The following RBFOX1 variants were observed in gnomAD, a reference collection of about 807,000 sequenced individuals.
The protein encoded by RBFOX1 is RNA binding protein fox-1 homolog 1.
A neutral mutation model predicts 57.7 loss-of-function variants in RBFOX1; 8 were observed. That is an observed-to-expected ratio of 0.14 (90% CI 0.08 to 0.25). The LOEUF is 0.25. RBFOX1 is among the 10% of genes least tolerant of loss of function. RBFOX1 has a pLI of 1.00. For synonymous variants in RBFOX1, 326 were observed against 222.4 expected (o/e 1.47, Z -4.15); for missense variants, 611 against 548.5 (o/e 1.11, Z -1.14).
At chr16:6,758,385 T>G (rs952175250) in intron 3 of RBFOX1, among the ~76,000 whole-genome samples, 1 of 152,122 alleles carries the variant, frequency 6.6e-6, no homozygotes, top group Non-Finnish European at 1.5e-5. Flanking sequence ...TTCAAGAGAT[T>G]AACCAGACCA....
intron 3 of RBFOX1, among the ~76,000 whole-genome samples, chr16:5,616,996 G>C (rs569528307): frequency 6.6e-6 from 1 of 151,750 alleles, no homozygotes; most frequent in East Asian, 2.0e-4. Context: ...AAACTGGCCG[G>C]AGGGCAGTTC....
chr16:5,991,082 T>C (rs941480786), intron 4 of RBFOX1, among the ~76,000 whole-genome samples: 3 of 152,250 alleles, frequency 2.0e-5, no homozygotes, highest in Non-Finnish European at 4.4e-5. Context: ...GAGTTTATTT[T>C]GAAAGCATTC....
chr16:6,658,936 G>GTTTTTTTGTTTT lies in RBFOX1; in HGVS notation c.-16+4293_-16+4294insGTTTTTTTTTTT, dbSNP rs775736061. Among the ~76,000 whole-genome samples, 9 of 108,556 alleles carry GTTTTTTTGTTTT rather than the reference G, an allele frequency of 8.3e-5. No homozygotes were observed. The East Asian group carries it at 1.2e-3, about 15-fold the overall frequency. The allele number at this position is 108,556 out of a possible 152,430, so 71.2% of individuals were successfully genotyped here. ...TGTTTTTTTGTTTTTTGGTTTTTTT[G>GTTTTTTTGTTTT]TTTTTTTTGTTTTTTTTTTTCCTCC... On this transcript the variant is annotated intron_variant, in intron 3 of 15. Transcript: ENST00000550418.
intron 1 of RBFOX1, among the ~76,000 whole-genome samples, chr16:6,036,295 G>C (rs113687320): frequency 6.6e-6 from 1 of 152,314 alleles, no homozygotes; most frequent in African/African-American, 2.4e-5. Flanking sequence ...ATGTATAAAG[G>C]CATGGAGGCC....
At chr16:5,901,873 G>A (rs1005232674) in intron 4 of RBFOX1, among the ~76,000 whole-genome samples, 5 of 152,162 alleles carry the variant, frequency 3.3e-5, no homozygotes, top group African/African-American at 9.6e-5. Context: ...CCCTCAATCT[G>A]CCTATGCCCA....
chr16:7,483,880 T>C (rs200701748), intron 4 of RBFOX1, among the ~76,000 whole-genome samples: 3 of 152,346 alleles, frequency 2.0e-5, no homozygotes, highest in South Asian at 2.1e-4. Context: ...ATGGTTTATG[T>C]ACAATCTAAT....
chr16:6,948,209 A>T (rs1253435619), intron 3 of RBFOX1, among the ~76,000 whole-genome samples: 1 of 152,006 alleles, frequency 6.6e-6, no homozygotes, highest in African/African-American at 2.4e-5. Context: ...AGGTGAGAGG[A>T]TGGCTTGAGC....
intron 4 of RBFOX1, among the ~76,000 whole-genome samples, chr16:5,967,233 C>G (rs539870106): frequency 6.6e-6 from 1 of 152,204 alleles, no homozygotes; most frequent in African/African-American, 2.4e-5. Flanking sequence ...GGTCTGAAAG[C>G]TTTTTTGATC....
chr16:5,399,714 TGACA>T (rs2066660119), intron 1 of RBFOX1, among the ~76,000 whole-genome samples: 1 of 151,768 alleles, frequency 6.6e-6, no homozygotes, highest in Non-Finnish European at 1.5e-5. Flanking sequence ...CCAGCCTGGG[TGACA>T]GTGAGACCCT....
chr16:7,396,089 C>T (rs766294938), intron 4 of RBFOX1, among the ~76,000 whole-genome samples: 1 of 152,070 alleles, frequency 6.6e-6, no homozygotes, highest in Non-Finnish European at 1.5e-5. Flanking sequence ...GTGCTCTCAG[C>T]TTGTAAGTGT....
chr16:7,218,645 T>C (rs887854859), intron 4 of RBFOX1, among the ~76,000 whole-genome samples: 7 of 148,950 alleles, frequency 4.7e-5, no homozygotes, highest in African/African-American at 1.2e-4. Flanking sequence ...TGTGTGTGTG[T>C]GTGTGTGTGT....
At chr16:6,393,602 C>G (rs906868059) in intron 2 of RBFOX1, among the ~76,000 whole-genome samples, 6 of 152,150 alleles carry the variant, frequency 3.9e-5, no homozygotes, top group East Asian at 1.9e-4. Context: ...GGGTATCTCC[C>G]CTTTCTGAGA....
At chr16:6,622,834 G>C (rs1290887968) in intron 2 of RBFOX1, among the ~76,000 whole-genome samples, 2 of 152,192 alleles carry the variant, frequency 1.3e-5, no homozygotes, top group Non-Finnish European at 2.9e-5. Context: ...GCTAGGCACA[G>C]AGCAAATGTG....
At chr16:7,515,104 AT>A (rs1326374924) in intron 4 of RBFOX1, among the ~76,000 whole-genome samples, 1 of 152,126 alleles carries the variant, frequency 6.6e-6, no homozygotes, top group Non-Finnish European at 1.5e-5. Flanking sequence ...GGCACAGTGA[AT>A]TTCTCATCAG....
At chr16:7,304,435 G>A (rs2142154630) in intron 4 of RBFOX1, 1 of 985,364 alleles carries the variant, frequency 1.0e-6, no homozygotes, top group South Asian at 4.7e-5. Context: ...CCCCAACGTG[G>A]GCATGTGTCC....
intron 2 of RBFOX1, among the ~76,000 whole-genome samples, chr16:6,598,344 C>T (rs1422987791): frequency 6.6e-6 from 1 of 151,974 alleles, no homozygotes; most frequent in African/African-American, 2.4e-5. Flanking sequence ...TATGTATGGA[C>T]CTGATTTATT....
At chr16:5,833,219 C>T (rs989327643) in intron 3 of RBFOX1, among the ~76,000 whole-genome samples, 1 of 152,108 alleles carries the variant, frequency 6.6e-6, no homozygotes, top group African/African-American at 2.4e-5. Context: ...TCTGGCCAGG[C>T]GTGGTGGCTC....
At position 5,278,215 on chromosome 16, in the gene RBFOX1, A is replaced by T. The variant is rs1389344355; in HGVS notation, c.219+38110A>T. 2.0e-5 allele frequency among the ~76,000 whole-genome samples: 3 copies of T among 152,148 alleles called. No homozygotes were observed. In the East Asian group the frequency reaches 5.8e-4, roughly 29 times the overall value. On this transcript the variant is annotated intron_variant, in intron 1 of 2. Coordinates refer to the RBFOX1 transcript ENST00000585867. ...TAGCCATTCTAACAAGTGTGAGATGATATCTCTTTGTGGTTTTGATTTGCA... is the reference window on the plus strand; with the variant it reads ...TAGCCATTCTAACAAGTGTGAGATGTTATCTCTTTGTGGTTTTGATTTGCA...
At chr16:5,660,649 A>T (rs1057004209) in intron 3 of RBFOX1, among the ~76,000 whole-genome samples, 1 of 151,394 alleles carries the variant, frequency 6.6e-6, no homozygotes, top group African/African-American at 2.4e-5. Context: ...ACAGTTCATT[A>T]TTTTTTTTTA....
Sources: allele counts gnomAD v4.1 joint callset (sites outside exome capture counted in the v4.1 genomes callset), GRCh38; gene constraint gnomAD v4.1.1; transcripts MANE v1.5; gene names NCBI Gene and HGNC (gene_info 2026-07-23, HGNC 2026-07-21).